Variants in WWOX observed in about 807,000 individuals in gnomAD.
WWOX encodes the protein WW domain containing oxidoreductase.
In WWOX, 69 loss-of-function variants were observed where a neutral mutation model predicts 46.2. The observed-to-expected ratio is 1.49, with a 90% CI of 1.23 to 1.82. The LOEUF (loss-of-function observed/expected upper bound fraction) is 1.82, where lower values mean the gene tolerates loss of function less well. Ranked by LOEUF, WWOX falls within the 40% of genes most tolerant of loss-of-function variation. The pLI is 0.00. For synonymous variants in WWOX, 359 were observed against 202.6 expected, an observed-to-expected ratio of 1.77 and a Z score of -6.56; for missense variants, 919 against 542.6, an observed-to-expected ratio of 1.69 and a Z score of -6.89.
chr16:78,321,157 A>G (rs1009677208), intron 5 of WWOX, among the ~76,000 whole-genome samples: 3 of 151,984 alleles, frequency 2.0e-5, no homozygotes, highest in Non-Finnish European at 2.9e-5. Flanking sequence ...AAAGGAATGT[A>G]TAGGCCTTAA....
intron 8 of WWOX, among the ~76,000 whole-genome samples, chr16:79,044,542 C>T (rs1182751613): frequency 6.6e-6 from 1 of 152,216 alleles, no homozygotes; most frequent in Non-Finnish European, 1.5e-5. Context: ...CCGCCTTCTC[C>T]TTCTGCCATG....
chr16:78,937,604 T>TTC (rs1567661936), intron 8 of WWOX, among the ~76,000 whole-genome samples: 5 of 81,420 alleles, frequency 6.1e-5, no homozygotes, highest in Non-Finnish European at 1.4e-4. Flanking sequence ...TATAGAGCTT[T>TTC]ATTTATTTAT....
chr16:78,240,433 C>T (rs13335340), intron 5 of WWOX, among the ~76,000 whole-genome samples: 16,848 of 152,110 alleles, frequency 0.11, 1,086 homozygotes, highest in South Asian at 0.24. Context: ...AGAGATGCCA[C>T]GGTCATGGGC....
chr16:79,149,646 C>G (rs1230881884), intron 8 of WWOX, among the ~76,000 whole-genome samples: 8 of 152,160 alleles, frequency 5.3e-5, no homozygotes, highest in Admixed American at 5.2e-4. Flanking sequence ...CATTTAGTTT[C>G]ATGTCTCATA....
intron 5 of WWOX, among the ~76,000 whole-genome samples, chr16:78,205,480 C>T (rs985045852): frequency 6.6e-6 from 1 of 151,996 alleles, no homozygotes; most frequent in African/African-American, 2.4e-5. Context: ...CCCATCCACC[C>T]TTCCATACAT....
chr16:78,699,280 T>A (rs1021278786), intron 8 of WWOX, among the ~76,000 whole-genome samples: 25 of 152,052 alleles, frequency 1.6e-4, no homozygotes, highest in African/African-American at 6.0e-4. Flanking sequence ...ACGCCTGTGA[T>A]CCTAGCACTT....
chr16:79,127,731 G>C (rs1433006290), intron 8 of WWOX, among the ~76,000 whole-genome samples: 1 of 152,066 alleles, frequency 6.6e-6, no homozygotes, highest in African/African-American at 2.4e-5. Context: ...TTCCCACTAA[G>C]CAACATACGA....
Position 79,075,672 on chromosome 16 carries a change from C to T in WWOX, c.1057-135936C>T, listed in dbSNP as rs567924461. Among the ~76,000 whole-genome samples the T allele has an allele frequency of 1.2e-4, 18 of 152,104 alleles. No individual in the cohort carries two copies. The South Asian group carries it at 3.5e-3, about 30-fold the overall frequency. ...GGATCAAGTGATTCTCCTGCCTTAG[C>T]CTCCTGAGTAGCTGGGACTATAGGT... On this transcript the variant is annotated intron_variant, in intron 8 of 8. Coordinates refer to ENST00000566780, the MANE Select transcript of WWOX (RefSeq NM_016373.4).
chr16:78,945,807 G>A (rs2045937763), intron 8 of WWOX, among the ~76,000 whole-genome samples: 1 of 152,070 alleles, frequency 6.6e-6, no homozygotes, highest in African/African-American at 2.4e-5. Context: ...GACAGAAGCT[G>A]TCTTTAGTTC....
intron 8 of WWOX, among the ~76,000 whole-genome samples, chr16:79,056,658 C>G (rs117310554): frequency 0.026 from 4,004 of 152,292 alleles, 79 homozygotes; most frequent in Non-Finnish European, 0.041. Flanking sequence ...GTCACAAACA[C>G]AAATGTCTCC....
intron 8 of WWOX, among the ~76,000 whole-genome samples, chr16:78,725,112 G>A (rs902779220): frequency 3.9e-5 from 6 of 151,982 alleles, no homozygotes; most frequent in African/African-American, 1.5e-4. Context: ...CTGTTCTTGG[G>A]GTAGTGAATG....
intron 5 of WWOX, among the ~76,000 whole-genome samples, chr16:78,385,667 G>A (rs1020728438): frequency 2.0e-5 from 3 of 152,134 alleles, no homozygotes; most frequent in Admixed American, 2.0e-4. Context: ...GGACACTTAG[G>A]GTAGAGGATG....
At chr16:79,023,494 C>A (rs565382389) in intron 8 of WWOX, among the ~76,000 whole-genome samples, 2 of 152,178 alleles carry the variant, frequency 1.3e-5, no homozygotes, top group African/African-American at 4.8e-5. Flanking sequence ...AGGCTGATTA[C>A]TGGCCAGGAG....
intron 8 of WWOX, among the ~76,000 whole-genome samples, chr16:78,464,248 GAGGGAGATGGAGGATGAC>G (rs1361266164): frequency 2.0e-5 from 3 of 151,876 alleles, no homozygotes; most frequent in Non-Finnish European, 4.4e-5. Flanking sequence ...GGGAGAGACG[GAGGGAGATGGAGGATGAC>G]AGGGAGATGG....
At chr16:78,298,743 A>G (rs2079986146) in intron 5 of WWOX, among the ~76,000 whole-genome samples, 1 of 151,800 alleles carries the variant, frequency 6.6e-6, no homozygotes, top group Non-Finnish European at 1.5e-5. Flanking sequence ...GTGAGCCAAG[A>G]TCGCACCATT....
chr16:78,202,529 G>A (rs1196922486), intron 5 of WWOX, among the ~76,000 whole-genome samples: 2 of 152,134 alleles, frequency 1.3e-5, no homozygotes, highest in African/African-American at 4.8e-5. Context: ...TCATTGACTT[G>A]GTTGTTGATC....
chr16:78,733,716 C>T (rs889455717), intron 8 of WWOX, among the ~76,000 whole-genome samples: 2 of 151,996 alleles, frequency 1.3e-5, no homozygotes, highest in Non-Finnish European at 2.9e-5. Context: ...GATCATGCCA[C>T]TGCACTCCAG....
At chr16:78,563,747 C>T (rs2044496390) in intron 8 of WWOX, among the ~76,000 whole-genome samples, 1 of 152,084 alleles carries the variant, frequency 6.6e-6, no homozygotes. Context: ...ATTAAGTCCA[C>T]AGATACCAAT....
chr16:78,219,304 G>C (rs12449031), intron 5 of WWOX, among the ~76,000 whole-genome samples: 21 of 152,062 alleles, frequency 1.4e-4, no homozygotes, highest in African/African-American at 4.8e-4. Flanking sequence ...TGAGTGTTTT[G>C]CTCTTCTTGT....
Sources: allele counts gnomAD v4.1 joint callset (sites outside exome capture counted in the v4.1 genomes callset), GRCh38; gene constraint gnomAD v4.1.1; transcripts MANE v1.5; gene names NCBI Gene and HGNC (gene_info 2026-07-23, HGNC 2026-07-21).